SPAST: variants seen among roughly 807,000 people sequenced by gnomAD.
The protein encoded by SPAST is spastin, also known as spastic paraplegia 4 (autosomal dominant; spastin).
Under a neutral mutation model 76.6 loss-of-function variants are expected in SPAST, and 30 were observed. That is an observed-to-expected ratio of 0.39 (90% CI 0.29 to 0.53). The LOEUF (loss-of-function observed/expected upper bound fraction) is 0.53. SPAST is among the 20% of genes least tolerant of loss of function. SPAST has a pLI of 0.68. For synonymous variants in SPAST, 305 were observed against 281.0 expected, an observed-to-expected ratio of 1.09 and a Z score of -0.86; for missense variants, 717 against 770.5, an observed-to-expected ratio of 0.93 and a Z score of 0.82.
At chr2:32,066,279 G>C (rs760833231) in intron 1 of SPAST, among the ~76,000 whole-genome samples, 2 of 152,066 alleles carry the variant, frequency 1.3e-5, no homozygotes, top group Non-Finnish European at 2.9e-5. Flanking sequence ...CACCCAGCAA[G>C]CTCCATTCTT....
chr2:32,108,409 A>AT (rs538235329), intron 4 of SPAST, among the ~76,000 whole-genome samples: 4 of 151,666 alleles, frequency 2.6e-5, no homozygotes, highest in South Asian at 4.2e-4. Context: ...TCTTTTTGCT[A>AT]TTTTTTCTCT....
At chr2:32,098,711 G>C in intron 3 of SPAST, 85 bp from the exon 4 acceptor site, 1 of 885,996 alleles carries the variant, frequency 1.1e-6, no homozygotes, top group Middle Eastern at 2.3e-4. Context: ...TGAGTAATTT[G>C]TCATTTCACA....
At chr2:32,088,300 T>C (rs1202108811) in intron 2 of SPAST, among the ~76,000 whole-genome samples, 2 of 152,198 alleles carry the variant, frequency 1.3e-5, no homozygotes, top group Non-Finnish European at 2.9e-5. Flanking sequence ...TCCAAAGTTG[T>C]GGGATTACAG....
chr2:32,081,830 G>T (rs1190606719), intron 1 of SPAST, among the ~76,000 whole-genome samples: 2 of 144,700 alleles, frequency 1.4e-5, no homozygotes, highest in African/African-American at 5.1e-5. Flanking sequence ...CCAAATGCTG[G>T]GCTCATCTCT....
At chr2:32,083,768 A>ATTTTTT (rs1553398805) in intron 1 of SPAST, among the ~76,000 whole-genome samples, 5 of 51,604 alleles carry the variant, frequency 9.7e-5, no homozygotes, top group African/African-American at 1.5e-4. Flanking sequence ...ATATATATAT[A>ATTTTTT]TATATATATT....
intron 7 of SPAST, among the ~76,000 whole-genome samples, chr2:32,121,586 G>T (rs1210435336): frequency 1.4e-5 from 2 of 142,816 alleles, no homozygotes; most frequent in Non-Finnish European, 3.0e-5. Context: ...TGTCACCCAG[G>T]CTGGAGTGCA....
In SPAST at chr2:32,127,064, T is replaced by C. The variant is rs767786088; in HGVS notation, c.1173+42T>C. 3.0e-6 allele frequency: 4 copies of C among 1,322,750 alleles called. No individual in the cohort carries two copies. The Admixed American group carries it at 6.7e-5, about 22-fold the overall frequency. 81.9% of individuals were successfully genotyped at this position (1,322,750 alleles called of 1,614,324 possible). ...AATTTGAGTTTTCTGTTGAGATATTTGGGATAATATGAAAAAAAGAAACTT... is the reference window on the plus strand; with the variant it reads ...AATTTGAGTTTTCTGTTGAGATATTCGGGATAATATGAAAAAAAGAAACTT... On this transcript the variant is annotated intron_variant, in intron 8 of 16. Transcript: ENST00000315285.
At chr2:32,136,492 T>G in intron 9 of SPAST, 71 bp from the exon 10 acceptor site, 1 of 1,173,042 alleles carries the variant, frequency 8.5e-7, no homozygotes, top group Non-Finnish European at 1.3e-6. Context: ...TGCTAGATTT[T>G]CAACATAAAA....
At chr2:32,132,351 C>G (rs1238982014) in intron 9 of SPAST, among the ~76,000 whole-genome samples, 1 of 152,016 alleles carries the variant, frequency 6.6e-6, no homozygotes, top group East Asian at 1.9e-4. Flanking sequence ...AGAGATCATG[C>G]CACTGTACTC....
intron 9 of SPAST, among the ~76,000 whole-genome samples, chr2:32,132,734 C>T (rs1001531895): frequency 2.6e-5 from 4 of 151,732 alleles, no homozygotes; most frequent in Non-Finnish European, 2.9e-5. Flanking sequence ...TTGTGCCAGG[C>T]GCAGTGGCTC....
At chr2:32,107,347 G>A (rs915870376) in intron 4 of SPAST, among the ~76,000 whole-genome samples, 1 of 152,036 alleles carries the variant, frequency 6.6e-6, no homozygotes, top group Non-Finnish European at 1.5e-5. Context: ...ATCCCTGTGG[G>A]TTCAAGCGAT....
intron 4 of SPAST, among the ~76,000 whole-genome samples, chr2:32,111,273 C>T: frequency 1.0e-5 from 1 of 98,594 alleles, no homozygotes; most frequent in Non-Finnish European, 2.2e-5. Flanking sequence ...CGTATATATA[C>T]AGTATACTAT....
In SPAST at chr2:32,087,509, G is replaced by T; in HGVS notation, c.433G>T (p.Ala145Ser). Residue 145 changes from alanine (A) to serine (S), a missense_variant, in exon 2 of 17, where the codon GCT becomes TCT. Physicochemically the swap from Ala to Ser is moderately conservative, Grantham distance 99. Coordinates refer to ENST00000315285, the MANE Select transcript of SPAST (RefSeq NM_014946.4). ...EDEKAGQKEQ[A>S]VEWYKKGIEE... ...TTTTAAAGCAGGACAGAAGGAGCAA[G>T]CTGTGGAATGGTATAAGAAAGGTAT... 1 of 1,605,548 alleles carries T rather than the reference G, an allele frequency of 6.2e-7. No homozygotes were observed. The highest frequency in any genetic ancestry group is 1.1e-5 in the South Asian group (1 of 90,882).
Position 32,089,770 on chromosome 2 carries a change from C to CT in SPAST, c.586+176dup, listed in dbSNP as rs1211428345. 6.6e-3 allele frequency among the ~76,000 whole-genome samples: 968 copies of CT among 146,620 alleles called. 11 individuals are homozygous for CT. Among genetic ancestry groups the CT allele is most frequent in the African/African-American group, 0.016 (662 of 40,248 alleles). Reference sequence around the variant, plus strand: ...AAAAACAGAAGAGCATAATGGACTTCTTTTTTTTTTTGAGATGGACGCTTG... The same window carrying CT: ...AAAAACAGAAGAGCATAATGGACTTCTTTTTTTTTTTTGAGATGGACGCTTG... On this transcript the variant is annotated intron_variant, in intron 3 of 16. Transcript: ENST00000315285.
intron 4 of SPAST, among the ~76,000 whole-genome samples, chr2:32,110,575 A>ATAC (rs1678528155): frequency 1.6e-5 from 2 of 128,310 alleles, no homozygotes; most frequent in East Asian, 2.1e-4. Context: ...TATATAGTAT[A>ATAC]TATATAGTGT....
At chr2:32,148,111 T>G (rs1022608715) in intron 16 of SPAST, among the ~76,000 whole-genome samples, 1 of 151,968 alleles carries the variant, frequency 6.6e-6, no homozygotes, top group Non-Finnish European at 1.5e-5. Flanking sequence ...TTTTTAATTT[T>G]CTGTAGAGAT....
In SPAST at chr2:32,074,329, C is replaced by G. The variant is rs150012082; in HGVS notation, c.415+10083C>G. ...CATGGTTTAGACAGTGTTCAGTGTT[C>G]ATGTTTTGCCTGTGTTTAGACATAA... On this transcript the variant is annotated intron_variant, in intron 1 of 16. Transcript: ENST00000315285. 6.6e-4 allele frequency among the ~76,000 whole-genome samples: 101 copies of G among 152,206 alleles called. 1 individual carries two copies. The highest frequency in any genetic ancestry group is 2.9e-3 in the Admixed American group (45 of 15,276).
intron 2 of SPAST, 120 bp downstream of exon 2, chr2:32,087,698 T>TC (rs1359254480): frequency 2.5e-4 from 82 of 324,986 alleles, no homozygotes; most frequent in Non-Finnish European, 3.7e-4. Context: ...TCTTTTCTTT[T>TC]TTTTTTTTTT....
At chr2:32,115,893 T>C (rs1394546642) in intron 6 of SPAST, 58 bp downstream of exon 6, 26 of 1,369,242 alleles carry the variant, frequency 1.9e-5, no homozygotes, top group Non-Finnish European at 2.4e-5. Flanking sequence ...ATTTTACTTA[T>C]AAAACATGTC....
Sources: gnomAD v4.1 joint callset for allele counts (sites outside exome capture counted in the v4.1 genomes callset) on GRCh38, gnomAD v4.1.1 for gene constraint, MANE v1.5 for transcripts, NCBI Gene and HGNC (gene_info 2026-07-23, HGNC 2026-07-21) for gene names.